The following OPA1 variants were observed in gnomAD, a reference collection of about 807,000 sequenced individuals.
The protein encoded by OPA1 is dynamin-like GTPase OPA1, mitochondrial.
A neutral mutation model predicts 152.9 loss-of-function variants in OPA1; 59 were observed. The ratio of observed to expected loss-of-function variants is 0.39; its 90% confidence interval spans 0.31 to 0.48. The LOEUF (loss-of-function observed/expected upper bound fraction) is 0.48, where lower values mean the gene tolerates loss of function less well. OPA1 is among the 20% of genes least tolerant of loss of function. The probability of loss-of-function intolerance (pLI) is 0.96; values close to 1 mark genes in which losing one functional copy is unlikely to be tolerated. For missense variants in OPA1, 1,008 were observed against 1,216.8 expected, an observed-to-expected ratio of 0.83 and a Z score of 2.55; for synonymous variants, 400 against 389.9, an observed-to-expected ratio of 1.03 and a Z score of -0.31.
At chr3:193,625,955 C>T (rs768087884) in intron 6 of OPA1, 137 bp from the exon 7 acceptor site, 10 of 723,958 alleles carry the variant, frequency 1.4e-5, no homozygotes, top group Admixed American at 2.0e-5. Context: ...AAGGGTATGA[C>T]GGCTTTAAAT....
intron 1 of OPA1, among the ~76,000 whole-genome samples, chr3:193,597,334 G>A (rs1300320874): frequency 6.6e-6 from 1 of 152,148 alleles, no homozygotes; most frequent in African/African-American, 2.4e-5. Flanking sequence ...AACCAGAATT[G>A]AGCAAAATGG....
At chr3:193,618,495 A>G in intron 5 of OPA1, 1 of 210,080 alleles carries the variant, frequency 4.8e-6, no homozygotes, top group South Asian at 6.8e-5. Context: ...CAAAAAAAAA[A>G]AGAAAAGAAA....
At chr3:193,661,662 T>C (rs1021513791) in intron 25 of OPA1, among the ~76,000 whole-genome samples, 1 of 152,224 alleles carries the variant, frequency 6.6e-6, no homozygotes, top group Admixed American at 6.5e-5. Context: ...CTTTGAAACA[T>C]TCTCGCCTTG....
At chr3:193,605,284 A>G (rs1727088587) in intron 1 of OPA1, among the ~76,000 whole-genome samples, 1 of 152,230 alleles carries the variant, frequency 6.6e-6, no homozygotes, top group Non-Finnish European at 1.5e-5. Flanking sequence ...TCTTGGTATT[A>G]CAATTTTATT....
intron 29 of OPA1, among the ~76,000 whole-genome samples, chr3:193,678,537 A>G (rs1324889666): frequency 6.6e-6 from 1 of 152,102 alleles, no homozygotes; most frequent in Non-Finnish European, 1.5e-5. Context: ...GCTCGTTGTC[A>G]TTGCCCCTAG....
chr3:193,625,257 TAGAA>T (rs1730892737), intron 6 of OPA1, among the ~76,000 whole-genome samples: 1 of 152,178 alleles, frequency 6.6e-6, no homozygotes, highest in African/African-American at 2.4e-5. Flanking sequence ...ATTTTAGAAA[TAGAA>T]AAGGTGATTT....
intron 29 of OPA1, among the ~76,000 whole-genome samples, chr3:193,680,978 G>T (rs1163148249): frequency 6.6e-6 from 1 of 152,004 alleles, no homozygotes; most frequent in East Asian, 1.9e-4. Context: ...AAATATTTCA[G>T]AGTAAATCAT....
intron 6 of OPA1, among the ~76,000 whole-genome samples, chr3:193,622,704 A>G (rs146943441): frequency 4.6e-5 from 7 of 152,350 alleles, no homozygotes; most frequent in Non-Finnish European, 1.0e-4. Context: ...AACACTTGCC[A>G]TATGAAACAC....
At chr3:193,620,145 A>G (rs771488026) in intron 6 of OPA1, among the ~76,000 whole-genome samples, 2 of 152,220 alleles carry the variant, frequency 1.3e-5, no homozygotes, top group African/African-American at 2.4e-5. Context: ...CCTTAAGGCA[A>G]TTAAATTTAC....
chr3:193,634,669 A>G (rs1732667523), intron 8 of OPA1, among the ~76,000 whole-genome samples: 1 of 152,224 alleles, frequency 6.6e-6, no homozygotes, highest in East Asian at 1.9e-4. Context: ...CGGCCTCCCA[A>G]AGTGCTGGGA....
At chr3:193,646,882 A>T (rs571676178) in intron 18 of OPA1, among the ~76,000 whole-genome samples, 183 bp from the exon 19 acceptor site, 1 of 152,350 alleles carries the variant, frequency 6.6e-6, no homozygotes, top group South Asian at 2.1e-4. Flanking sequence ...AGGGCTCAAT[A>T]ACCCAGTGTG....
intron 20 of OPA1, 95 bp downstream of exon 20, chr3:193,648,229 G>C (rs1711535118): frequency 5.2e-6 from 5 of 955,550 alleles, no homozygotes; most frequent in African/African-American, 1.6e-5. Flanking sequence ...ATAAGCTAAA[G>C]TACTTTGGTT....
intron 29 of OPA1, among the ~76,000 whole-genome samples, chr3:193,684,007 AG>A (rs1720572795): frequency 6.6e-6 from 1 of 152,184 alleles, no homozygotes; most frequent in Non-Finnish European, 1.5e-5. Flanking sequence ...CAAAATGGAA[AG>A]CAGAGGTCAT....
chr3:193,614,941 C>T lies in OPA1; in HGVS notation c.251C>T (p.Pro84Leu), dbSNP rs747285128. Residue 84 changes from proline to leucine, a missense_variant, in exon 2 of 31, where the codon CCT becomes CTT. Transcript: ENST00000361510. ...TCTCCAATTAAATATGGCTACCAGC[C>T]TCGCAGGAATTTTTGGCCAGCAAGA... ...KFSPIKYGYQPRRNFWPARLA... is the reference protein window; with the variant it reads ...KFSPIKYGYQLRRNFWPARLA... 6 of 1,613,902 alleles carry T rather than the reference C, an allele frequency of 3.7e-6. No homozygotes were observed. The highest frequency in any genetic ancestry group is 5.1e-6 in the Non-Finnish European group (6 of 1,179,780).
rs939323034 is a variant in OPA1, at chr3:193,649,804, G to A, written c.2012+933G>A. Among the ~76,000 whole-genome samples, 5 of 152,228 alleles carry A rather than the reference G, an allele frequency of 3.3e-5. No homozygotes were observed. The Middle Eastern group carries it at 0.01, about 311-fold the overall frequency. ...AATCTCCGTTCCTTATCCAAAAAAA[G>A]AGATCTAATTGTATCTATTCTTGTT... On this transcript the variant is annotated intron_variant, in intron 21 of 30. Coordinates refer to ENST00000361510, the MANE Select transcript of OPA1 (RefSeq NM_130837.3).
intron 22 of OPA1, among the ~76,000 whole-genome samples, chr3:193,656,484 A>G (rs1370131850): frequency 1.3e-5 from 2 of 152,226 alleles, no homozygotes; most frequent in African/African-American, 2.4e-5. Flanking sequence ...GTTAGCTATA[A>G]TACAAAGCTG....
At chr3:193,630,616 T>A (rs1731933340) in intron 7 of OPA1, among the ~76,000 whole-genome samples, 1 of 152,198 alleles carries the variant, frequency 6.6e-6, no homozygotes, top group Non-Finnish European at 1.5e-5. Flanking sequence ...CAACAAGGAT[T>A]TAAATGAAGA....
chr3:193,667,397 A>G lies in OPA1; in HGVS notation c.2983+117A>G, dbSNP rs1473083684. ...AAAGTTACAAGGAACTGGGCTGAGC[A>G]CGGTGGCTCACGCTTGTAATCCCAG... On this transcript the variant is annotated intron_variant, in intron 29 of 30. Transcript: ENST00000361510. 4.2e-6 allele frequency: 3 copies of G among 722,212 alleles called. No homozygotes were observed. The South Asian group carries it at 4.4e-5, about 11-fold the overall frequency. The allele number at this position is 722,212 out of a possible 1,614,324, so 44.7% of individuals were successfully genotyped here.
intron 7 of OPA1, among the ~76,000 whole-genome samples, chr3:193,626,472 T>G (rs1731166284): frequency 6.6e-6 from 1 of 152,136 alleles, no homozygotes; most frequent in African/African-American, 2.4e-5. Flanking sequence ...AGAACAAAAT[T>G]AGGAATTTCT....
Sources: allele counts gnomAD v4.1 joint callset (sites outside exome capture counted in the v4.1 genomes callset), GRCh38; gene constraint gnomAD v4.1.1; transcripts MANE v1.5; gene names NCBI Gene and HGNC (gene_info 2026-07-23, HGNC 2026-07-21).